Variants in MS4A4E observed in about 807,000 individuals in gnomAD.
MS4A4E encodes putative membrane-spanning 4-domains subfamily A member 4E.
MS4A4E carries 23 observed loss-of-function variants against 13.3 expected under a neutral mutation model. The observed-to-expected ratio is 1.73, with a 90% confidence interval of 1.25 to 2.45. The LOEUF is 2.45. MS4A4E is among the 30% of genes most tolerant of loss of function. The pLI is 0.00. For synonymous variants in MS4A4E, 36 were observed against 45.6 expected (o/e 0.79, Z 0.85); for missense variants, 144 against 131.2 (o/e 1.10, Z -0.48).
At chr11:60,237,513 G>C (rs1164190905) in intron 1 of MS4A4E, among the ~76,000 whole-genome samples, 1 of 152,088 alleles carries the variant, frequency 6.6e-6, no homozygotes, top group Non-Finnish European at 1.5e-5. Context: ...GGTTTTTGAG[G>C]AATCACCACA....
At chr11:60,239,696 G>T (rs990861193) in intron 1 of MS4A4E, among the ~76,000 whole-genome samples, 2 of 152,136 alleles carry the variant, frequency 1.3e-5, no homozygotes, top group Admixed American at 1.3e-4. Flanking sequence ...TCTTCCTCTT[G>T]TAATCTCTGT....
chr11:60,221,212 C>CTGAA (rs1376282850), intron 3 of MS4A4E, among the ~76,000 whole-genome samples: 12 of 151,812 alleles, frequency 7.9e-5, no homozygotes, highest in African/African-American at 2.9e-4. Flanking sequence ...ACCATGCGAC[C>CTGAA]TGAACTACCT....
At position 60,242,973 on chromosome 11, in the gene MS4A4E, C is replaced by A. The variant is rs960424806; in HGVS notation, c.-32G>T. ...CTGGACCTACCTTTCTTCAGGCCTG[C>A]AATGTCTGCTGCAGGTCTGATGAGT... is the stretch of plus-strand genomic sequence containing the variant. On this transcript the variant is annotated 5_prime_UTR_variant, in exon 1 of 9. Coordinates refer to ENST00000651255, the MANE Select transcript of MS4A4E (RefSeq NM_001393391.1). 3 of 1,580,372 alleles carry A rather than the reference C, an allele frequency of 1.9e-6. No individual in the cohort carries two copies. Among genetic ancestry groups the A allele is most frequent in the Non-Finnish European group, 2.6e-6 (3 of 1,154,056 alleles).
At chr11:60,218,266 T>C (rs1052139401) in intron 3 of MS4A4E, among the ~76,000 whole-genome samples, 3 of 152,206 alleles carry the variant, frequency 2.0e-5, no homozygotes, top group African/African-American at 7.2e-5. Flanking sequence ...TCAATGACCA[T>C]GGTGCCTCAA....
At chr11:60,209,310 A>G (rs2084089986) in intron 5 of MS4A4E, among the ~76,000 whole-genome samples, 1 of 152,250 alleles carries the variant, frequency 6.6e-6, no homozygotes, top group African/African-American at 2.4e-5. Context: ...AGAGTTCAAG[A>G]GAGTTTTGAA....
At chr11:60,208,196 T>TTTCA (rs1452926454) in intron 6 of MS4A4E, among the ~76,000 whole-genome samples, 1 of 152,118 alleles carries the variant, frequency 6.6e-6, no homozygotes, top group Admixed American at 6.6e-5. Flanking sequence ...ATTTGTTGAC[T>TTTCA]TTCAGTTTAT....
intron 6 of MS4A4E, among the ~76,000 whole-genome samples, chr11:60,207,821 T>A (rs1158506594): frequency 6.6e-6 from 1 of 152,190 alleles, no homozygotes; most frequent in Admixed American, 6.5e-5. Flanking sequence ...CTGTGTAACT[T>A]TCTTTTGGCT....
At chr11:60,229,778 G>A (rs987558107) in intron 2 of MS4A4E, 134 bp downstream of exon 2, 17 of 819,482 alleles carry the variant, frequency 2.1e-5, no homozygotes, top group Non-Finnish European at 3.1e-5. Flanking sequence ...GAAAGGGCCT[G>A]AAATTAAATT....
intron 1 of MS4A4E, among the ~76,000 whole-genome samples, chr11:60,241,252 C>A (rs1189435403): frequency 1.3e-5 from 2 of 152,212 alleles, no homozygotes; most frequent in South Asian, 4.1e-4. Flanking sequence ...TCTCGATCCT[C>A]TGACCTCGTG....
chr11:60,221,927 AC>A (rs1430154949), intron 3 of MS4A4E, among the ~76,000 whole-genome samples: 1 of 152,090 alleles, frequency 6.6e-6, no homozygotes, highest in Non-Finnish European at 1.5e-5. Context: ...TTCTCCAGCC[AC>A]CCCTGTCATT....
At position 60,201,765 on chromosome 11, in the gene MS4A4E, C is replaced by G; in HGVS notation, c.774G>C (p.Gln258His). 1 of 227,246 alleles carries G rather than the reference C, an allele frequency of 4.4e-6. No individual in the cohort carries two copies. The highest frequency in any genetic ancestry group is 1.7e-4 in the East Asian group (1 of 5,748). The allele number at this position is 227,246 out of a possible 1,614,324, so 14.1% of individuals were successfully genotyped here. A position where few individuals can be genotyped will look rare whatever the true frequency, so the allele number is the denominator to read the frequency against. Residue 258 changes from glutamine (Q) to histidine (H), a missense_variant, in exon 9 of 9, where the codon CAG becomes CAC. Around this residue, in one of 3 missense-constraint regions of MS4A4E, gnomAD observed 21 missense variants for 25.1 expected, o/e 0.84. Coordinates refer to ENST00000651255, the MANE Select transcript of MS4A4E (RefSeq NM_001393391.1). The part of the protein sequence containing the change: ...LPWPPKVPRV[Q>H]PLPGRHPVWE... ...AGACGGGGTGGCGGCCGGGCAGAGG[C>G]TGCACTCTCGGCACTTTGGGAGGCC...
rs1468159797 is a variant in MS4A4E at position 60,230,086 on chromosome 11, G to A, written c.-16-15C>T. 1.9e-6 allele frequency: 3 copies of A among 1,564,872 alleles called. No individual in the cohort carries two copies. The highest frequency in any genetic ancestry group is 2.6e-6 in the Non-Finnish European group (3 of 1,160,350). On this transcript the variant is annotated splice_polypyrimidine_tract_variant and intron_variant, in intron 1 of 8. Coordinates refer to ENST00000651255, the MANE Select transcript of MS4A4E (RefSeq NM_001393391.1). ...CAGAAAAGGTGCTACAATAAGAAAT[G>A]TAATTTAGGATGAGGTCCTGGAAAT...
At chr11:60,226,543 G>A (rs2134956830) in intron 3 of MS4A4E, among the ~76,000 whole-genome samples, 1 of 152,276 alleles carries the variant, frequency 6.6e-6, no homozygotes, top group East Asian at 1.9e-4. Context: ...AAAATCACAT[G>A]ATTATATCAA....
At chr11:60,235,300 C>T (rs1565129577) in intron 1 of MS4A4E, among the ~76,000 whole-genome samples, 1 of 152,118 alleles carries the variant, frequency 6.6e-6, no homozygotes, top group Non-Finnish European at 1.5e-5. Flanking sequence ...GCCATGTTGC[C>T]CAGGCTGTTC....
At chr11:60,214,549 C>A (rs1163217003) in intron 4 of MS4A4E, 22 bp downstream of exon 4, 2 of 1,476,308 alleles carry the variant, frequency 1.4e-6, no homozygotes, top group Admixed American at 2.2e-5. Context: ...CCTTTTGATA[C>A]CCCCCACAAA....
intron 1 of MS4A4E, among the ~76,000 whole-genome samples, chr11:60,235,636 T>C (rs898587890): frequency 2.0e-5 from 3 of 152,200 alleles, no homozygotes; most frequent in Non-Finnish European, 4.4e-5. Context: ...TATTCAAATG[T>C]TTGAAATAAA....
rs894333933 is a variant in MS4A4E at position 60,201,579 on chromosome 11, C to T, written c.960G>A (p.Glu320=). ...APLPGHHPIW[E]VRSVSARPPI... The stretch of plus-strand genomic sequence containing the variant: ...GCGGCCGGGCGGAGACACTCCTCAC[C>T]TCCCAGATGGGATGGTGGCCGGGAA... The change falls in exon 9 of 9, where the codon GAG becomes GAA. Residue 320 remains glutamate, a synonymous_variant. Transcript: ENST00000651255. The T allele has an allele frequency of 6.2e-5, 20 of 322,526 alleles. No individual in the cohort carries two copies. The highest frequency in any genetic ancestry group is 3.7e-4 in the African/African-American group (16 of 43,446). The allele number at this position is 322,526 out of a possible 1,614,324, so 20.0% of individuals were successfully genotyped here.
intron 3 of MS4A4E, among the ~76,000 whole-genome samples, chr11:60,221,999 C>T (rs1435297437): frequency 6.6e-6 from 1 of 152,138 alleles, no homozygotes; most frequent in Non-Finnish European, 1.5e-5. Context: ...TGCATGGGCT[C>T]AGCAACATGG....
chr11:60,229,938 A>C lies in MS4A4E; in HGVS notation c.118T>G (p.Phe40Val). 1 of 1,611,288 alleles carries C rather than the reference A, an allele frequency of 6.2e-7. No homozygotes were observed. The change falls in exon 2 of 9, where the codon TTC becomes GTC. Residue 40 changes from phenylalanine to valine, a missense_variant. Phe to Val is a conservative substitution (Grantham distance 50). Transcript: ENST00000651255. Reference sequence around the variant, plus strand: ...CCAAGGACTTTGGGTTTCCTCTTGAAGAACTTCTCTTGCAATCCTTTACAC... The same window carrying C: ...CCAAGGACTTTGGGTTTCCTCTTGACGAACTTCTCTTGCAATCCTTTACAC... ...YLCKGLQEKF[F>V]KRKPKVLGVL... is the part of the protein sequence containing the mutation.
Sources: gnomAD v4.1 joint callset for allele counts (sites outside exome capture counted in the v4.1 genomes callset) on GRCh38, gnomAD v4.1.1 for gene constraint, gnomAD v4.1.1 regional missense constraint, MANE v1.5 for transcripts, NCBI Gene and HGNC (gene_info 2026-07-23, HGNC 2026-07-21) for gene names.